The following PRKCA variants were observed in gnomAD, a reference collection of about 807,000 sequenced individuals.
PRKCA encodes the protein protein kinase C alpha, also known as protein kinase C alpha type.
PRKCA carries 27 observed loss-of-function variants against 87.0 expected under a neutral mutation model. That is an observed-to-expected ratio of 0.31 (90% CI 0.23 to 0.43). PRKCA has a LOEUF of 0.43. PRKCA is among the 20% of genes least tolerant of loss of function. PRKCA has a pLI of 1.00. For missense variants in PRKCA, 518 were observed against 852.3 expected (o/e 0.61, Z 4.88); for synonymous variants, 329 against 311.1 (o/e 1.06, Z -0.61).
At chr17:66,502,583 A>G (rs1916784988) in intron 3 of PRKCA, among the ~76,000 whole-genome samples, 1 of 151,950 alleles carries the variant, frequency 6.6e-6, no homozygotes, top group South Asian at 2.1e-4. Context: ...AAAGCTACAA[A>G]GCAGCACTTT....
At chr17:66,452,872 A>G (rs1161922434) in intron 2 of PRKCA, among the ~76,000 whole-genome samples, 1 of 152,164 alleles carries the variant, frequency 6.6e-6, no homozygotes, top group African/African-American at 2.4e-5. Context: ...TCAAAAACAA[A>G]CAAACAAAAA....
rs1474652532 is a variant in PRKCA, at chr17:66,302,881, C to T, written c.30C>T (p.Ser10=). 6.2e-7 allele frequency: 1 copy of T among 1,610,482 alleles called. No homozygotes were observed. The highest frequency in any genetic ancestry group is 2.2e-5 in the East Asian group (1 of 44,554). The change falls in exon 1 of 17, where the codon TCC becomes TCT. Residue 10 remains serine (S), a synonymous_variant. Coordinates refer to ENST00000413366, the MANE Select transcript of PRKCA (RefSeq NM_002737.3). ...CTGACGTTTTCCCGGGCAACGACTC[C>T]ACGGCGTCTCAGGACGTGGCCAACC... The part of the protein sequence containing the change: MADVFPGND[S]TASQDVANRF...
intron 2 of PRKCA, among the ~76,000 whole-genome samples, chr17:66,479,338 A>G (rs1915674951): frequency 6.6e-6 from 1 of 152,230 alleles, no homozygotes; most frequent in Non-Finnish European, 1.5e-5. Flanking sequence ...AGCTATTACT[A>G]AAAAGTCAAA....
intron 3 of PRKCA, among the ~76,000 whole-genome samples, chr17:66,535,041 C>T (rs1022071434): frequency 1.3e-5 from 2 of 152,198 alleles, no homozygotes; most frequent in Non-Finnish European, 2.9e-5. Flanking sequence ...AGGTGCTGTT[C>T]TCAGCACTTC....
intron 3 of PRKCA, among the ~76,000 whole-genome samples, chr17:66,570,386 GTGTT>G (rs1275455934): frequency 6.6e-6 from 1 of 152,160 alleles, no homozygotes; most frequent in African/African-American, 2.4e-5. Context: ...CTATTAAAAC[GTGTT>G]TGTTTTAGAA....
At chr17:66,427,723 A>T (rs1025087234) in intron 2 of PRKCA, among the ~76,000 whole-genome samples, 4 of 152,238 alleles carry the variant, frequency 2.6e-5, no homozygotes, top group African/African-American at 9.6e-5. Context: ...GATTTATAAC[A>T]TCAAGTGCAG....
intron 3 of PRKCA, among the ~76,000 whole-genome samples, chr17:66,629,396 A>G (rs972588048): frequency 1.3e-5 from 2 of 152,216 alleles, no homozygotes; most frequent in Non-Finnish European, 2.9e-5. Context: ...GACCCACATC[A>G]TCACAGAATA....
rs759899170 is a variant in PRKCA at position 66,469,066 on chromosome 17, C to CA, written c.206-27134dup. Among the ~76,000 whole-genome samples, 9 of 152,276 alleles carry CA rather than the reference C, an allele frequency of 5.9e-5. No homozygotes were observed. In the South Asian group the frequency reaches 1.4e-3, roughly 25 times the overall value. The stretch of plus-strand genomic sequence containing the variant: ...GCTCCACTTAGTTCCCCTTCCCCTA[C>CA]AGATGCCTTATTCCCTCGAAATGCA... On this transcript the variant is annotated intron_variant, in intron 2 of 16. Coordinates refer to ENST00000413366, the MANE Select transcript of PRKCA (RefSeq NM_002737.3).
intron 2 of PRKCA, among the ~76,000 whole-genome samples, chr17:66,351,977 G>T (rs1401600153): frequency 6.6e-6 from 1 of 152,200 alleles, no homozygotes; most frequent in South Asian, 2.1e-4. Context: ...AACTGGCAGT[G>T]TCACGTCGTG....
At chr17:66,554,864 A>G (rs1226888691) in intron 3 of PRKCA, among the ~76,000 whole-genome samples, 1 of 148,986 alleles carries the variant, frequency 6.7e-6, no homozygotes, top group Non-Finnish European at 1.5e-5. Context: ...TTGTCACCTT[A>G]AGTAGATTGT....
chr17:66,626,090 A>C (rs1337675208), intron 3 of PRKCA, among the ~76,000 whole-genome samples: 1 of 152,204 alleles, frequency 6.6e-6, no homozygotes, highest in Non-Finnish European at 1.5e-5. Flanking sequence ...CTCTGCGTAC[A>C]GGTGAAGCAT....
intron 3 of PRKCA, among the ~76,000 whole-genome samples, chr17:66,505,197 C>G (rs1019560793): frequency 3.3e-5 from 5 of 152,162 alleles, no homozygotes; most frequent in African/African-American, 1.2e-4. Flanking sequence ...GCACTTGGAC[C>G]AAATTAATTT....
chr17:66,790,991 G>A (rs531665968), intron 16 of PRKCA, among the ~76,000 whole-genome samples: 1 of 143,066 alleles, frequency 7.0e-6, no homozygotes, highest in East Asian at 2.0e-4. Flanking sequence ...CTGTTTGCTG[G>A]TTTTTTTTTT....
intron 2 of PRKCA, among the ~76,000 whole-genome samples, chr17:66,447,138 A>G (rs1914073235): frequency 6.6e-6 from 1 of 152,212 alleles, no homozygotes; most frequent in African/African-American, 2.4e-5. Context: ...GTAGAGGACC[A>G]GCTTTCTGAG....
At chr17:66,753,098 T>G (rs542013141) in intron 13 of PRKCA, among the ~76,000 whole-genome samples, 1 of 152,356 alleles carries the variant, frequency 6.6e-6, no homozygotes, top group East Asian at 1.9e-4. Context: ...AAAAGCATGC[T>G]TAGCTCACAG....
intron 16 of PRKCA, among the ~76,000 whole-genome samples, chr17:66,797,379 T>C (rs1975694333): frequency 6.6e-6 from 1 of 152,218 alleles, no homozygotes; most frequent in African/African-American, 2.4e-5. Flanking sequence ...ACCAAATGGG[T>C]AGGAATATCA....
Position 66,733,404 on chromosome 17 carries a change from A to C in PRKCA, c.1056+579A>C, listed in dbSNP as rs1007331081. On this transcript the variant is annotated intron_variant, in intron 9 of 16. Transcript: ENST00000413366. ...CAGGTTTGGGGGGAAAGCTTGACTTATCTGTGAGGGAAGCCTAGCACAGGC... is the reference window on the plus strand; with the variant it reads ...CAGGTTTGGGGGGAAAGCTTGACTTCTCTGTGAGGGAAGCCTAGCACAGGC... Among the ~76,000 whole-genome samples the C allele has an allele frequency of 3.9e-5, 6 of 152,318 alleles. No individual in the cohort carries two copies. In the South Asian group the frequency reaches 1.2e-3, roughly 32 times the overall value.
At chr17:66,529,134 A>G (rs1246893930) in intron 3 of PRKCA, among the ~76,000 whole-genome samples, 2 of 152,196 alleles carry the variant, frequency 1.3e-5, no homozygotes, top group African/African-American at 2.4e-5. Flanking sequence ...GTGTCCTTGT[A>G]GTTAAGGTCT....
chr17:66,517,459 C>T (rs1168939259), intron 3 of PRKCA, among the ~76,000 whole-genome samples: 1 of 152,122 alleles, frequency 6.6e-6, no homozygotes, highest in Non-Finnish European at 1.5e-5. Context: ...TCTGTGTCTG[C>T]CCATGCACTG....
Sources: allele counts gnomAD v4.1 joint callset (sites outside exome capture counted in the v4.1 genomes callset), GRCh38; gene constraint gnomAD v4.1.1; transcripts MANE v1.5; gene names NCBI Gene and HGNC (gene_info 2026-07-23, HGNC 2026-07-21).